Variants in SRRM2 observed in about 807,000 individuals in gnomAD.
SRRM2 encodes the protein serine/arginine repetitive matrix 2, also known as serine/arginine repetitive matrix protein 2.
A neutral mutation model predicts 213.8 loss-of-function variants in SRRM2; 30 were observed. The ratio of observed to expected loss-of-function variants is 0.14; its 90% CI spans 0.10 to 0.19. The LOEUF (loss-of-function observed/expected upper bound fraction) is 0.19, where lower values mean the gene tolerates loss of function less well. Among genes scored for constraint, SRRM2 ranks in the 10% least tolerant of loss-of-function variants. The pLI is 1.00. For missense variants in SRRM2, 4,904 were observed against 3,647.0 expected (o/e 1.34, Z -8.88); for synonymous variants, 2,025 against 1,377.7 (o/e 1.47, Z -10.40).
Position 2,756,421 on chromosome 16 carries a change from C to A in SRRM2, c.57C>A (p.Val19=). 1 of 1,612,050 alleles carries A rather than the reference C, an allele frequency of 6.2e-7. No individual in the cohort carries two copies. The highest frequency in any genetic ancestry group is 8.5e-7 in the Non-Finnish European group (1 of 1,179,322). ...TPRGSGTNGY[V]QRNLSLVRGR... is the part of the protein sequence containing the mutation. ...GGGGCAGCGGCACCAACGGCTACGT[C>A]CAGCGCAACCTGTCCCTGGTGCGGG... is the stretch of plus-strand genomic sequence containing the variant. Residue 19 remains valine (V), a synonymous_variant, in exon 2 of 15, where the codon GTC becomes GTA. Coordinates refer to ENST00000301740, the MANE Select transcript of SRRM2 (RefSeq NM_016333.4).
chr16:2,764,541 C>T lies in SRRM2; in HGVS notation c.4013C>T (p.Pro1338Leu), dbSNP rs753923700. The change falls in exon 11 of 15, where the codon CCA becomes CTA. Residue 1338 changes from proline to leucine, a missense_variant. Transcript: ENST00000301740. ...CCTTTAGAATTTAGAAACTCAGGCC[C>T]ACTTGGTACAGAAATGAATACTGGA... ...GSPLEFRNSG[P>L]LGTEMNTGFS... The T allele has an allele frequency of 5.0e-6, 8 of 1,614,070 alleles. No individual in the cohort carries two copies. The Admixed American group carries it at 1.0e-4, about 20-fold the overall frequency.
At chr16:2,768,713 C>T (rs761188042) in intron 11 of SRRM2, 20 of 702,596 alleles carry the variant, frequency 2.8e-5, no homozygotes, top group East Asian at 2.3e-4. Flanking sequence ...TACCCAGCTT[C>T]AGCTTCCACA....
Position 2,760,453 on chromosome 16 carries a change from A to G in SRRM2, c.986A>G (p.Lys329Arg), listed in dbSNP as rs144062317. The G allele has an allele frequency of 3.3e-3, 5,270 of 1,614,206 alleles. 18 individuals carry two copies. Among genetic ancestry groups the G allele is most frequent in the Non-Finnish European group, 4.2e-3 (4,911 of 1,180,034 alleles). ...QRPSSPETAT[K>R]QPSSPYEDKD... Reference sequence around the variant, plus strand: ...CCTAGTAGCCCGGAGACTGCTACGAAACAGCCTAGCAGCCCTTATGAAGAC... The same window carrying G: ...CCTAGTAGCCCGGAGACTGCTACGAGACAGCCTAGCAGCCCTTATGAAGAC... The change falls in exon 10 of 15, where the codon AAA (lysine) becomes AGA (arginine). Residue 329 changes from lysine (K) to arginine (R), a missense_variant. Physicochemically the swap from Lys to Arg is conservative, Grantham distance 26. Coordinates refer to ENST00000301740, the MANE Select transcript of SRRM2 (RefSeq NM_016333.4).
intron 6 of SRRM2, 37 bp from the exon 7 acceptor site, chr16:2,759,103 G>A (rs72768761): frequency 0.051 from 82,917 of 1,614,094 alleles, 2,518 homozygotes; most frequent in Non-Finnish European, 0.061. Context: ...TCAGGCAGAG[G>A]TGTTTCTTAT....
Position 2,764,255 on chromosome 16 carries a change from G to A in SRRM2, c.3727G>A (p.Glu1243Lys). The A allele has an allele frequency of 6.2e-7, 1 of 1,614,094 alleles. No homozygotes were observed. Among genetic ancestry groups the A allele is most frequent in the Non-Finnish European group, 8.5e-7 (1 of 1,180,004 alleles). ...SQDEELMEVV[E>K]KSEEPAGQIL... is the part of the protein sequence containing the mutation. ...AGATGAAGAGTTAATGGAGGTGGTA[G>A]AGAAGTCTGAAGAACCCGCAGGCCA... is the stretch of plus-strand genomic sequence containing the variant. The change falls in exon 11 of 15, where the codon GAG (glutamate) becomes AAG (lysine). Residue 1243 changes from glutamate to lysine, a missense_variant. Glu to Lys is a moderately conservative substitution (Grantham distance 56, BLOSUM62 1). Coordinates refer to ENST00000301740, the MANE Select transcript of SRRM2 (RefSeq NM_016333.4).
chr16:2,757,423 T>C (rs748711717), intron 2 of SRRM2, 49 bp from the exon 3 acceptor site: 2 of 1,560,044 alleles, frequency 1.3e-6, no homozygotes, highest in African/African-American at 1.4e-5. Flanking sequence ...AACCTGGGAC[T>C]GGGGAAAGTG....
At position 2,771,012 on chromosome 16, in the gene SRRM2, CTT is replaced by C. The variant is rs372487257; in HGVS notation, c.*154_*155del. On this transcript the variant is annotated 3_prime_UTR_variant, in exon 15 of 15. Transcript: ENST00000301740. ...GGATGGAGGGCTCCCTTTCCCTCCC[CTT>C]TTTTTTTTCTTTGTTCCTGTGAAAT... The C allele has an allele frequency of 1.2e-5, 8 of 652,554 alleles. No homozygotes were observed. Among genetic ancestry groups the C allele is most frequent in the East Asian group, 4.7e-5 (1 of 21,282 alleles). The allele number at this position is 652,554 out of a possible 1,614,324, so 40.4% of individuals were successfully genotyped here. A position where few individuals can be genotyped will look rare whatever the true frequency, so the allele number is the denominator to read the frequency against.
rs779291554 is a variant in SRRM2, at chr16:2,761,860, T to C, written c.1332T>C (p.Ala444=). ...CTTCCCCAGAAAGTCCTAAACCTGC[T>C]CCAGCTCCAGGGTCCCACCGAGAGA... The part of the protein sequence containing the change: ...ASSSPESPKP[A]PAPGSHREIS... Residue 444 remains alanine, a synonymous_variant, in exon 11 of 15, where the codon GCT becomes GCC. Transcript: ENST00000301740. The C allele has an allele frequency of 1.9e-6, 3 of 1,612,674 alleles. No individual in the cohort carries two copies. The highest frequency in any genetic ancestry group is 2.5e-6 in the Non-Finnish European group (3 of 1,180,004).
chr16:2,761,302 G>A (rs554064689), intron 10 of SRRM2, among the ~76,000 whole-genome samples: 1 of 152,244 alleles, frequency 6.6e-6, no homozygotes, highest in East Asian at 1.9e-4. Context: ...ATTTTGTAGT[G>A]GTATTTGTTA....
Position 2,762,806 on chromosome 16 carries a change from A to G in SRRM2, c.2278A>G (p.Arg760Gly). Residue 760 changes from arginine to glycine, a missense_variant, in exon 11 of 15, where the codon AGG (arginine) becomes GGG (glycine). Coordinates refer to ENST00000301740, the MANE Select transcript of SRRM2 (RefSeq NM_016333.4). ...KKSRISSRRS[R>G]SLSSPRSKAK... ...ATCTCGCATTTCTTCAAGGCGGAGCAGGTCTCTCTCTTCACCACGGTCCAA... is the reference window on the plus strand; with the variant it reads ...ATCTCGCATTTCTTCAAGGCGGAGCGGGTCTCTCTCTTCACCACGGTCCAA... 1 of 1,614,190 alleles carries G rather than the reference A, an allele frequency of 6.2e-7. No homozygotes were observed. The highest frequency in any genetic ancestry group is 1.1e-5 in the South Asian group (1 of 91,068).
Position 2,766,943 on chromosome 16 carries a change from C to A in SRRM2, c.6415C>A (p.Leu2139Ile). Residue 2139 changes from leucine to isoleucine, a missense_variant, in exon 11 of 15, where the codon CTT becomes ATT. Transcript: ENST00000301740. This position sits in a 1 kb window ranked among gnomAD's most constrained non-coding sequence, Gnocchi z 7.0. ...RCRSPGMLEPLGSSRTPMSVL... is the reference protein window; with the variant it reads ...RCRSPGMLEPIGSSRTPMSVL... ...CAGATCACCTGGAATGCTTGAACCC[C>A]TTGGCAGCTCTAGAACACCCATGTC... 6.2e-7 allele frequency: 1 copy of A among 1,614,152 alleles called. No individual in the cohort carries two copies. Among genetic ancestry groups the A allele is most frequent in the Non-Finnish European group, 8.5e-7 (1 of 1,180,042 alleles).
At chr16:2,755,287 GT>G (rs955342221) in intron 1 of SRRM2, among the ~76,000 whole-genome samples, 5 of 152,182 alleles carry the variant, frequency 3.3e-5, no homozygotes, top group African/African-American at 1.2e-4. Flanking sequence ...GAGGCATGGG[GT>G]TAACACAGGA....
intron 2 of SRRM2, among the ~76,000 whole-genome samples, chr16:2,756,936 G>A (rs538790969): frequency 1.2e-4 from 19 of 152,228 alleles, no homozygotes; most frequent in African/African-American, 4.3e-4. Flanking sequence ...TAAGCTGATA[G>A]GTGTTGTCAT....
Position 2,758,176 on chromosome 16 carries a change from C to A in SRRM2, c.515+231C>A, listed in dbSNP as rs184646669. 4.4e-3 allele frequency among the ~76,000 whole-genome samples: 663 copies of A among 152,212 alleles called. 5 individuals carry two copies. The highest frequency in any genetic ancestry group is 0.015 in the African/African-American group (626 of 41,534). On this transcript the variant is annotated intron_variant, in intron 4 of 14. Coordinates refer to ENST00000301740, the MANE Select transcript of SRRM2 (RefSeq NM_016333.4). ...ATCACTTGAGGCCAGGAGTTTGAGA[C>A]CAGCCTGGGCGATGTAGTGAGACCC...
intron 1 of SRRM2, among the ~76,000 whole-genome samples, chr16:2,755,054 C>G (rs139381721): frequency 3.9e-5 from 6 of 152,190 alleles, no homozygotes; most frequent in African/African-American, 1.4e-4. Flanking sequence ...TTACTCTCTC[C>G]GCTTTACGTA....
chr16:2,770,528 G>T, intron 13 of SRRM2, 63 bp downstream of exon 13: 1 of 1,560,912 alleles, frequency 6.4e-7, no homozygotes, highest in East Asian at 2.4e-5. Flanking sequence ...CTACAAAGAA[G>T]AAAGCTTTGC....
chr16:2,757,487 A>G lies in SRRM2; in HGVS notation c.258A>G (p.Gln86=), dbSNP rs781657303. The G allele has an allele frequency of 2.5e-6, 4 of 1,614,058 alleles. No homozygotes were observed. The East Asian group carries it at 6.7e-5, about 27-fold the overall frequency. Residue 86 remains glutamine (Q), a synonymous_variant, in exon 3 of 15, where the codon CAA becomes CAG. Coordinates refer to ENST00000301740, the MANE Select transcript of SRRM2 (RefSeq NM_016333.4). The stretch of plus-strand genomic sequence containing the variant: ...TGTTCTTCAGGTACGAGGAACAGCA[A>G]ATTCAGGAAAAAGTGGCGACCTTTC... ...MMEEQGYEEQ[Q]IQEKVATFRL...
intron 12 of SRRM2, 81 bp from the exon 13 acceptor site, chr16:2,770,271 A>G: frequency 6.8e-7 from 1 of 1,478,782 alleles, no homozygotes; most frequent in South Asian, 1.4e-5. Flanking sequence ...TTTGGTGGTC[A>G]GGACCTGGGC....
Position 2,764,094 on chromosome 16 carries a change from C to T in SRRM2, c.3566C>T (p.Pro1189Leu), listed in dbSNP as rs780887390. ...SPPRQKDKFS[P>L]FPVQDRPESS... is the part of the protein sequence containing the mutation. Reference sequence around the variant, plus strand: ...CCTAGACAGAAAGACAAATTTAGTCCCTTTCCAGTACAGGATAGGCCTGAG... The same window carrying T: ...CCTAGACAGAAAGACAAATTTAGTCTCTTTCCAGTACAGGATAGGCCTGAG... The change falls in exon 11 of 15, where the codon CCC (proline) becomes CTC (leucine). Residue 1189 changes from proline to leucine, a missense_variant. Coordinates refer to ENST00000301740, the MANE Select transcript of SRRM2 (RefSeq NM_016333.4). 4 of 1,613,988 alleles carry T rather than the reference C, an allele frequency of 2.5e-6. No individual in the cohort carries two copies. Among genetic ancestry groups the T allele is most frequent in the Middle Eastern group, 1.6e-4 (1 of 6,084 alleles).
Sources: allele counts gnomAD v4.1 joint callset (sites outside exome capture counted in the v4.1 genomes callset), GRCh38; gene constraint gnomAD v4.1.1; non-coding constraint Gnocchi (gnomAD v3.1); transcripts MANE v1.5; gene names NCBI Gene and HGNC (gene_info 2026-07-23, HGNC 2026-07-21).